TBC1D32: variants seen among roughly 807,000 people sequenced by gnomAD.
TBC1D32 encodes the protein TBC1 domain family member 32, also known as protein broad-minded.
Under a neutral mutation model 170.3 loss-of-function variants are expected in TBC1D32, and 151 were observed. The observed-to-expected ratio is 0.89, with a 90% CI of 0.78 to 1.01. The LOEUF is 1.01. Among genes scored for constraint, TBC1D32 ranks in the 50% least tolerant of loss-of-function variants. The pLI is 0.00. For synonymous variants in TBC1D32, 498 were observed against 488.0 expected (o/e 1.02, Z -0.27); for missense variants, 1,464 against 1,457.1 (o/e 1.00, Z -0.08).
At chr6:121,287,201 G>A (rs1281996177) in intron 12 of TBC1D32, among the ~76,000 whole-genome samples, 1 of 152,096 alleles carries the variant, frequency 6.6e-6, no homozygotes, top group Non-Finnish European at 1.5e-5. Context: ...AAAAGACACG[G>A]AGTAGCAAAT....
chr6:121,238,999 A>G (rs898024198), intron 20 of TBC1D32, 71 bp downstream of exon 20: 11 of 769,858 alleles, frequency 1.4e-5, no homozygotes, highest in African/African-American at 1.2e-4. Flanking sequence ...GAATATGGAT[A>G]AAGTATGAAC....
intron 25 of TBC1D32, among the ~76,000 whole-genome samples, chr6:121,127,932 A>G (rs755362190): frequency 1.3e-5 from 2 of 152,214 alleles, no homozygotes; most frequent in Non-Finnish European, 2.9e-5. Context: ...TTGCTAAGCA[A>G]TTCTTTGAAT....
intron 27 of TBC1D32, among the ~76,000 whole-genome samples, chr6:121,114,914 A>T (rs935560748): frequency 6.6e-5 from 10 of 152,146 alleles, no homozygotes; most frequent in Non-Finnish European, 1.0e-4. Context: ...TTATTTTTGT[A>T]AAAAACCTGA....
intron 31 of TBC1D32, among the ~76,000 whole-genome samples, chr6:121,087,950 AT>A (rs571335757): frequency 0.022 from 3,073 of 141,324 alleles, 26 homozygotes; most frequent in Middle Eastern, 0.037. Context: ...TACATGGGGA[AT>A]TTTTTTTTTT....
At chr6:121,232,163 C>A (rs973560879) in intron 20 of TBC1D32, among the ~76,000 whole-genome samples, 1 of 152,086 alleles carries the variant, frequency 6.6e-6, no homozygotes, top group East Asian at 1.9e-4. Flanking sequence ...ATTACCCCAG[C>A]ACTATTTTTT....
At chr6:121,293,173 G>C (rs530296067) in intron 11 of TBC1D32, among the ~76,000 whole-genome samples, 8 of 151,568 alleles carry the variant, frequency 5.3e-5, no homozygotes, top group African/African-American at 1.9e-4. Context: ...GAGGTCTTTA[G>C]TAGATAGAGA....
chr6:121,157,905 C>T (rs913713195), intron 24 of TBC1D32, among the ~76,000 whole-genome samples: 1 of 152,058 alleles, frequency 6.6e-6, no homozygotes, highest in Non-Finnish European at 1.5e-5. Context: ...TTGTAGGTGA[C>T]CCAACCTTTC....
intron 21 of TBC1D32, among the ~76,000 whole-genome samples, chr6:121,217,074 C>T (rs1049498146): frequency 3.3e-5 from 5 of 152,216 alleles, no homozygotes; most frequent in African/African-American, 4.8e-5. Flanking sequence ...TTCAACTCTC[C>T]CATTTGGCCT....
At chr6:121,260,383 G>A (rs1255865176) in intron 15 of TBC1D32, among the ~76,000 whole-genome samples, 2 of 152,172 alleles carry the variant, frequency 1.3e-5, no homozygotes, top group East Asian at 3.9e-4. Context: ...CCAACTAGAA[G>A]CAGCGGCCAT....
At chr6:121,272,936 C>T (rs1268760282) in intron 15 of TBC1D32, among the ~76,000 whole-genome samples, 2 of 150,650 alleles carry the variant, frequency 1.3e-5, no homozygotes, top group African/African-American at 4.9e-5. Context: ...GCCATAAAAA[C>T]GGATGAGTTC....
intron 15 of TBC1D32, among the ~76,000 whole-genome samples, chr6:121,265,239 C>T (rs952608737): frequency 1.2e-4 from 18 of 152,042 alleles, no homozygotes; most frequent in Non-Finnish European, 2.2e-4. Flanking sequence ...AATCAATGTG[C>T]AAAAATCAGA....
chr6:121,160,721 C>A (rs1489272693), intron 23 of TBC1D32, among the ~76,000 whole-genome samples: 2 of 152,188 alleles, frequency 1.3e-5, no homozygotes, highest in Non-Finnish European at 2.9e-5. Flanking sequence ...TACTCTACTA[C>A]ACATGCAAAC....
At chr6:121,226,101 G>A (rs1329748424) in intron 20 of TBC1D32, among the ~76,000 whole-genome samples, 1 of 152,028 alleles carries the variant, frequency 6.6e-6, no homozygotes, top group African/African-American at 2.4e-5. Context: ...AATCTTTCAG[G>A]TTGATAATGA....
In TBC1D32 at chr6:121,304,812, CACAGAAT is replaced by C; in HGVS notation, c.705_711del (p.Phe236HisfsTer11). Reference sequence around the variant, plus strand: ...AATGGAGAAAGCAAAAATGTCTGTGCACAGAATTTTAAAATCCGGTCCTACGGAAATG... The same window carrying C: ...AATGGAGAAAGCAAAAATGTCTGTGCTTTAAAATCCGGTCCTACGGAAATG... On this transcript the variant is annotated frameshift_variant, in exon 6 of 32. Transcript: ENST00000398212. LOFTEE classifies it high-confidence loss of function. 1 of 1,609,892 alleles carries C rather than the reference CACAGAAT, an allele frequency of 6.2e-7. No homozygotes were observed. Among genetic ancestry groups the C allele is most frequent in the Non-Finnish European group, 8.5e-7 (1 of 1,178,360 alleles).
At chr6:121,311,991 C>T (rs780294828) in intron 3 of TBC1D32, among the ~76,000 whole-genome samples, 12 of 152,126 alleles carry the variant, frequency 7.9e-5, no homozygotes, top group East Asian at 1.9e-4. Flanking sequence ...AAAGAAAATG[C>T]GGCACACATA....
chr6:121,199,406 G>A (rs1791239574), intron 22 of TBC1D32, among the ~76,000 whole-genome samples: 1 of 151,134 alleles, frequency 6.6e-6, no homozygotes, highest in Admixed American at 6.6e-5. Flanking sequence ...AAAATCTGTA[G>A]CTAAAGATCA....
intron 29 of TBC1D32, among the ~76,000 whole-genome samples, chr6:121,107,860 T>C (rs1255021407): frequency 6.6e-6 from 1 of 151,992 alleles, no homozygotes; most frequent in South Asian, 2.1e-4. Flanking sequence ...CATTAAGAGA[T>C]AAAGACAATA....
intron 31 of TBC1D32, among the ~76,000 whole-genome samples, chr6:121,088,242 A>G (rs75711794): frequency 1.3e-5 from 2 of 152,262 alleles, no homozygotes; most frequent in East Asian, 3.9e-4. Context: ...CGTGTGAGCC[A>G]CTGCACCTGG....
chr6:121,266,837 C>T (rs764834494), intron 15 of TBC1D32, among the ~76,000 whole-genome samples: 16 of 151,918 alleles, frequency 1.1e-4, no homozygotes, highest in Middle Eastern at 3.2e-3. Context: ...CACATGTTCT[C>T]ACTCATAAGT....
Sources: allele counts gnomAD v4.1 joint callset (sites outside exome capture counted in the v4.1 genomes callset), GRCh38; gene constraint gnomAD v4.1.1; transcripts MANE v1.5; gene names NCBI Gene and HGNC (gene_info 2026-07-23, HGNC 2026-07-21).